The following CEP192 variants were observed in gnomAD, a reference collection of about 807,000 sequenced individuals.
CEP192 encodes the protein centrosomal protein 192.
Under a neutral mutation model 271.8 loss-of-function variants are expected in CEP192, and 151 were observed. The observed-to-expected ratio is 0.56, with a 90% confidence interval of 0.49 to 0.64. The LOEUF (loss-of-function observed/expected upper bound fraction) is 0.64, where lower values mean the gene tolerates loss of function less well. CEP192 is among the 30% of genes least tolerant of loss of function. CEP192 has a pLI of 0.00. For synonymous variants in CEP192, 995 were observed against 1,076.5 expected, an observed-to-expected ratio of 0.92 and a Z score of 1.48; for missense variants, 2,910 against 3,020.5, an observed-to-expected ratio of 0.96 and a Z score of 0.86.
chr18:13,115,486 C>T (rs1386663825), intron 42 of CEP192, among the ~76,000 whole-genome samples: 1 of 152,048 alleles, frequency 6.6e-6, no homozygotes, highest in Admixed American at 6.6e-5. Context: ...TTCTGGAGAG[C>T]TGGGAAGCCA....
rs1317903902 is a variant in CEP192, at chr18:13,049,751, C to T, written c.2891-14C>T. The T allele has an allele frequency of 9.3e-6, 15 of 1,607,586 alleles. No homozygotes were observed. The Admixed American group carries it at 2.6e-4, about 27-fold the overall frequency. ...TATTTTCTCTTCTTACTGGAAAATA[C>T]CCCTTTCTGATAGATTTGAAAAATA... On this transcript the variant is annotated splice_polypyrimidine_tract_variant and intron_variant, in intron 16 of 44. Transcript: ENST00000506447.
At chr18:13,053,763 C>T (rs534033732) in intron 18 of CEP192, among the ~76,000 whole-genome samples, 11 of 152,262 alleles carry the variant, frequency 7.2e-5, no homozygotes, top group South Asian at 6.2e-4. Context: ...GATCACAGCT[C>T]ACTACAGCCT....
chr18:13,109,937 A>G (rs2145022842), intron 40 of CEP192, among the ~76,000 whole-genome samples: 2 of 152,342 alleles, frequency 1.3e-5, no homozygotes, highest in South Asian at 4.1e-4. Flanking sequence ...TGCAAAAAGA[A>G]TGACTTAAGT....
intron 43 of CEP192, among the ~76,000 whole-genome samples, 185 bp from the exon 44 acceptor site, chr18:13,117,400 T>C (rs889226496): frequency 7.2e-5 from 11 of 152,234 alleles, no homozygotes; most frequent in African/African-American, 2.7e-4. Flanking sequence ...TAAAACTAGA[T>C]TAAATTCATG....
chr18:13,012,376 CACT>C (rs2034413310), intron 4 of CEP192, among the ~76,000 whole-genome samples: 3 of 152,144 alleles, frequency 2.0e-5, no homozygotes, highest in Admixed American at 2.0e-4. Context: ...CTCTCCTTTT[CACT>C]ACTTTTTTCT....
At chr18:13,037,094 A>C in intron 11 of CEP192, 143 bp from the exon 12 acceptor site, 1 of 547,990 alleles carries the variant, frequency 1.8e-6, no homozygotes, top group Non-Finnish European at 3.2e-6. Context: ...CATTTAATAC[A>C]GATGCATGAG....
In CEP192 at chr18:13,056,532, AGGATCAAATATC is replaced by A. The variant is rs1568348443; in HGVS notation, c.3945_3956del (p.Asn1317_Ser1320del). On this transcript the variant is annotated inframe_deletion, in exon 19 of 45. Transcript: ENST00000506447. ...ACTCTGTGGCTGTGGGAATTTGTCT[AGGATCAAATATC>A]GGCTCTGGATGGATGGGTACCTCTT... The A allele has an allele frequency of 3.1e-6, 5 of 1,614,222 alleles. No homozygotes were observed. The highest frequency in any genetic ancestry group is 4.2e-6 in the Non-Finnish European group (5 of 1,180,046).
intron 1 of CEP192, among the ~76,000 whole-genome samples, chr18:12,996,566 A>G (rs890740075): frequency 6.6e-6 from 1 of 152,066 alleles, no homozygotes; most frequent in Admixed American, 6.5e-5. Flanking sequence ...ATTGAAGGCA[A>G]TCACCCAGAG....
At chr18:13,061,469 C>T (rs2037403866) in intron 21 of CEP192, among the ~76,000 whole-genome samples, 1 of 152,270 alleles carries the variant, frequency 6.6e-6, no homozygotes, top group African/African-American at 2.4e-5. Flanking sequence ...AGTACACGTT[C>T]TCTAGGGGAA....
intron 3 of CEP192, among the ~76,000 whole-genome samples, chr18:13,003,632 G>T (rs908230773): frequency 6.6e-6 from 1 of 151,956 alleles, no homozygotes; most frequent in Non-Finnish European, 1.5e-5. Flanking sequence ...TGGTGAGCAG[G>T]ACCTTGACTC....
intron 15 of CEP192, among the ~76,000 whole-genome samples, chr18:13,047,430 T>C (rs1014982653): frequency 7.2e-5 from 11 of 152,194 alleles, no homozygotes; most frequent in Admixed American, 5.2e-4. Flanking sequence ...TTTTTATACC[T>C]GCACTCCCAC....
intron 33 of CEP192, among the ~76,000 whole-genome samples, chr18:13,091,429 A>G (rs966941199): frequency 6.7e-6 from 1 of 149,928 alleles, no homozygotes; most frequent in Non-Finnish European, 1.5e-5. Context: ...AATGGAGGAA[A>G]CAGTTTCACT....
chr18:13,116,446 G>T lies in CEP192; in HGVS notation c.7359G>T (p.Val2453=), dbSNP rs758091529. Residue 2453 remains valine (V), a synonymous_variant, in exon 43 of 45, where the codon GTG becomes GTT. Coordinates refer to ENST00000506447, the MANE Select transcript of CEP192 (RefSeq NM_032142.4). ...TGTACAGGTTCCGGCCGACTAGTGTGGGGGAATCACGGACACTTAAAGTCA... is the reference window on the plus strand; with the variant it reads ...TGTACAGGTTCCGGCCGACTAGTGTTGGGGAATCACGGACACTTAAAGTCA... ...EDVYRFRPTS[V]GESRTLKVNL... The T allele has an allele frequency of 2.5e-6, 4 of 1,611,726 alleles. No homozygotes were observed. Among genetic ancestry groups the T allele is most frequent in the Non-Finnish European group, 3.4e-6 (4 of 1,179,182 alleles).
chr18:13,015,479 C>A, intron 6 of CEP192, 31 bp downstream of exon 6: 1 of 1,546,288 alleles, frequency 6.5e-7, no homozygotes, highest in South Asian at 1.2e-5. Context: ...TTTCCCTGGT[C>A]TTCACCTTGC....
Position 13,041,303 on chromosome 18 carries a change from GATA to G in CEP192, c.1936+350_1936+352del, listed in dbSNP as rs544617228. On this transcript the variant is annotated intron_variant, in intron 14 of 44. Transcript: ENST00000506447. Reference sequence around the variant, plus strand: ...AGAGATGTTTTGAGATTTAGACTATGATAATCTATGATAATTTTTATGATAAAT... The same window carrying G: ...AGAGATGTTTTGAGATTTAGACTATGATCTATGATAATTTTTATGATAAAT... Among the ~76,000 whole-genome samples the G allele has an allele frequency of 6.6e-5, 10 of 152,190 alleles. No homozygotes were observed. In the East Asian group the frequency reaches 1.9e-3, roughly 29 times the overall value.
rs1344326046 is a variant in CEP192 at position 13,053,072 on chromosome 18, T to C, written c.3171T>C (p.Asp1057=). Residue 1057 remains aspartate, a synonymous_variant, in exon 18 of 45, where the codon GAT becomes GAC. Coordinates refer to ENST00000506447, the MANE Select transcript of CEP192 (RefSeq NM_032142.4). ...ESSYPTTATD[D]ALEDRKSDIT... is the part of the protein sequence containing the mutation. The stretch of plus-strand genomic sequence containing the variant: ...CCTATCCTACCACAGCCACAGATGA[T>C]GCCCTGGAGGACCGCAAGGTGGGCA... The C allele has an allele frequency of 1.2e-6, 2 of 1,609,608 alleles. No individual in the cohort carries two copies. Among genetic ancestry groups the C allele is most frequent in the Non-Finnish European group, 1.7e-6 (2 of 1,177,916 alleles).
Position 13,057,640 on chromosome 18 carries a change from C to T in CEP192, c.4164C>T (p.Ile1388=), listed in dbSNP as rs540807444. ...TTCCTCATGCTTGCTGTGTCGGGAT[C>T]GCTTCCCAGACCCTCCTCAGTGTGC... ...LKLPHACCVG[I]ASQTLLSVLN... The change falls in exon 20 of 45, where the codon ATC becomes ATT. Residue 1388 remains isoleucine (I), a synonymous_variant. Transcript: ENST00000506447. The T allele has an allele frequency of 5.0e-6, 8 of 1,614,102 alleles. No homozygotes were observed. Among genetic ancestry groups the T allele is most frequent in the South Asian group, 3.3e-5 (3 of 91,074 alleles).
chr18:12,998,711 T>A (rs1304275248), intron 1 of CEP192, among the ~76,000 whole-genome samples: 2 of 152,184 alleles, frequency 1.3e-5, no homozygotes, highest in Non-Finnish European at 2.9e-5. Flanking sequence ...TATCTTTTTA[T>A]CCTTCTGCCA....
Position 13,095,650 on chromosome 18 carries a change from C to A in CEP192, c.6402C>A (p.Pro2134=). The A allele has an allele frequency of 6.2e-7, 1 of 1,613,398 alleles. No individual in the cohort carries two copies. Among genetic ancestry groups the A allele is most frequent in the Non-Finnish European group, 8.5e-7 (1 of 1,179,810 alleles). The change falls in exon 35 of 45, where the codon CCC becomes CCA. Residue 2134 remains proline (P), a synonymous_variant. Coordinates refer to ENST00000506447, the MANE Select transcript of CEP192 (RefSeq NM_032142.4). ...LASEEPWTVL[P]EHLILVAPSP... is the part of the protein sequence containing the mutation. ...CCGAAGAGCCGTGGACTGTCCTACC[C>A]GAGCACTTGATTCTGGTAGCTCCTT...
Sources: allele counts gnomAD v4.1 joint callset (sites outside exome capture counted in the v4.1 genomes callset), GRCh38; gene constraint gnomAD v4.1.1; transcripts MANE v1.5; gene names NCBI Gene and HGNC (gene_info 2026-07-23, HGNC 2026-07-21).